Variants in TMEM117 observed in about 807,000 individuals in gnomAD.
TMEM117 encodes transmembrane protein 117.
Under a neutral mutation model 52.4 loss-of-function variants are expected in TMEM117, and 27 were observed. The observed-to-expected ratio is 0.51, with a 90% CI of 0.38 to 0.71. TMEM117 has a LOEUF of 0.71. TMEM117 is among the 30% of genes least tolerant of loss of function. The pLI is 0.00. For synonymous variants in TMEM117, 215 were observed against 206.3 expected, an observed-to-expected ratio of 1.04 and a Z score of -0.36; for missense variants, 556 against 630.5, an observed-to-expected ratio of 0.88 and a Z score of 1.26.
At chr12:44,313,346 C>T (rs905173062) in intron 6 of TMEM117, among the ~76,000 whole-genome samples, 2 of 152,188 alleles carry the variant, frequency 1.3e-5, no homozygotes, top group Non-Finnish European at 2.9e-5. Flanking sequence ...GTTATCTCAG[C>T]ACCATTTATT....
intron 3 of TMEM117, among the ~76,000 whole-genome samples, chr12:44,064,075 GGA>G (rs1947184292): frequency 6.6e-6 from 1 of 151,992 alleles, no homozygotes; most frequent in Non-Finnish European, 1.5e-5. Context: ...AACCAATTCT[GGA>G]GAGAGACCTA....
Position 44,388,810 on chromosome 12 carries a change from G to A in TMEM117, c.*138G>A. 3 of 904,318 alleles carry A rather than the reference G, an allele frequency of 3.3e-6. No individual in the cohort carries two copies. Among genetic ancestry groups the A allele is most frequent in the Non-Finnish European group, 3.3e-6 (2 of 604,634 alleles). The allele number at this position is 904,318 out of a possible 1,614,324, so 56.0% of individuals were successfully genotyped here. A position where few individuals can be genotyped will look rare whatever the true frequency, so the allele number is the denominator to read the frequency against. ...ACAATGCCACAACGGTGCTCAACATGCTTTTTCTAGGATTCATTGTTTTCT... is the reference window on the plus strand; with the variant it reads ...ACAATGCCACAACGGTGCTCAACATACTTTTTCTAGGATTCATTGTTTTCT... On this transcript the variant is annotated 3_prime_UTR_variant, in exon 8 of 8. Transcript: ENST00000266534.
chr12:43,955,269 C>T lies in TMEM117; in HGVS notation c.410+10927C>T, dbSNP rs529010018. The stretch of plus-strand genomic sequence containing the variant: ...GCCCTGTCTCACTACTCCTATTCAA[C>T]ATGGTGTTGGAAGTTCTGGCCAGGG... On this transcript the variant is annotated intron_variant, in intron 3 of 7. Coordinates refer to ENST00000266534, the MANE Select transcript of TMEM117 (RefSeq NM_032256.3). 2.4e-4 allele frequency among the ~76,000 whole-genome samples: 36 copies of T among 152,276 alleles called. 1 individual carries two copies. Among genetic ancestry groups the T allele is most frequent in the African/African-American group, 8.2e-4 (34 of 41,548 alleles).
intron 3 of TMEM117, among the ~76,000 whole-genome samples, chr12:44,002,785 A>G (rs554148636): frequency 1.2e-3 from 181 of 152,002 alleles, no homozygotes; most frequent in African/African-American, 4.2e-3. Flanking sequence ...CCACAGTGGT[A>G]GGAAGGAGTG....
At chr12:43,952,964 G>A (rs936564675) in intron 3 of TMEM117, among the ~76,000 whole-genome samples, 6 of 152,126 alleles carry the variant, frequency 3.9e-5, no homozygotes, top group African/African-American at 1.2e-4. Flanking sequence ...AACCCTGCAA[G>A]CCAGAAGAGA....
intron 5 of TMEM117, among the ~76,000 whole-genome samples, chr12:44,212,020 T>C (rs776576940): frequency 3.9e-5 from 6 of 152,244 alleles, no homozygotes; most frequent in African/African-American, 1.4e-4. Context: ...CTGTGTGATA[T>C]AATATACAGT....
intron 2 of TMEM117, among the ~76,000 whole-genome samples, chr12:43,847,997 ATT>A (rs1943239415): frequency 6.6e-6 from 1 of 152,154 alleles, no homozygotes; most frequent in African/African-American, 2.4e-5. Flanking sequence ...GCAAGTTTTT[ATT>A]AAGGGTTTCA....
chr12:44,370,869 A>G (rs777942741), intron 6 of TMEM117, among the ~76,000 whole-genome samples: 4 of 152,200 alleles, frequency 2.6e-5, no homozygotes, highest in Non-Finnish European at 4.4e-5. Context: ...AGTTCTTACT[A>G]TATACTGAGC....
At chr12:43,996,920 G>A (rs1378154316) in intron 3 of TMEM117, among the ~76,000 whole-genome samples, 6 of 152,172 alleles carry the variant, frequency 3.9e-5, no homozygotes, top group Non-Finnish European at 8.8e-5. Flanking sequence ...GTTGGTGTCA[G>A]TAAGAGGAAA....
At chr12:44,277,470 A>ACATG (rs1312920674) in intron 5 of TMEM117, among the ~76,000 whole-genome samples, 2 of 152,128 alleles carry the variant, frequency 1.3e-5, no homozygotes, top group Non-Finnish European at 2.9e-5. Context: ...GTTTGTTGAG[A>ACATG]CATGGCTGGG....
intron 3 of TMEM117, among the ~76,000 whole-genome samples, chr12:43,959,569 T>C (rs1945368720): frequency 6.6e-6 from 1 of 152,316 alleles, no homozygotes; most frequent in South Asian, 2.1e-4. Flanking sequence ...GATTGAGTAG[T>C]AGAAGCCCAG....
At chr12:44,097,862 T>TAATAA (rs918757400) in intron 3 of TMEM117, among the ~76,000 whole-genome samples, 9 of 151,660 alleles carry the variant, frequency 5.9e-5, no homozygotes, top group East Asian at 3.9e-4. Flanking sequence ...AGTATAATAA[T>TAATAA]AATAAAATAA....
chr12:44,014,926 A>G (rs1257234893), intron 3 of TMEM117, among the ~76,000 whole-genome samples: 1 of 152,152 alleles, frequency 6.6e-6, no homozygotes, highest in African/African-American at 2.4e-5. Context: ...ACTACCTTGC[A>G]TCTAGCCTGA....
intron 3 of TMEM117, among the ~76,000 whole-genome samples, chr12:44,096,751 C>A (rs1947771233): frequency 6.6e-6 from 1 of 152,060 alleles, no homozygotes; most frequent in Admixed American, 6.6e-5. Context: ...GACCTAAAAC[C>A]ATAAAAACCC....
chr12:44,002,894 C>A (rs1452352001), intron 3 of TMEM117, among the ~76,000 whole-genome samples: 1 of 152,148 alleles, frequency 6.6e-6, no homozygotes, highest in Non-Finnish European at 1.5e-5. Context: ...GTGGCTCCCT[C>A]CTTTAGGTTC....
At chr12:44,270,008 A>G (rs1432705573) in intron 5 of TMEM117, among the ~76,000 whole-genome samples, 1 of 152,186 alleles carries the variant, frequency 6.6e-6, no homozygotes, top group African/African-American at 2.4e-5. Flanking sequence ...AAAGAAGACT[A>G]AAGAATGACT....
chr12:44,288,067 T>C (rs1565676120), intron 5 of TMEM117, among the ~76,000 whole-genome samples: 1 of 152,204 alleles, frequency 6.6e-6, no homozygotes. Context: ...GAGCCCTGGC[T>C]CTTTAAAAGT....
chr12:44,086,511 G>C (rs560637673), intron 3 of TMEM117, among the ~76,000 whole-genome samples: 6 of 152,044 alleles, frequency 3.9e-5, no homozygotes, highest in Non-Finnish European at 8.8e-5. Context: ...TACTGTGTGC[G>C]GCCACAACTC....
At chr12:44,053,565 G>A (rs552148747) in intron 3 of TMEM117, among the ~76,000 whole-genome samples, 133 of 152,244 alleles carry the variant, frequency 8.7e-4, no homozygotes, top group Non-Finnish European at 1.7e-3. Flanking sequence ...CCTCTGCCCA[G>A]AAATTGGGAA....
Sources: gnomAD v4.1 joint callset for allele counts (sites outside exome capture counted in the v4.1 genomes callset) on GRCh38, gnomAD v4.1.1 for gene constraint, MANE v1.5 for transcripts, NCBI Gene and HGNC (gene_info 2026-07-23, HGNC 2026-07-21) for gene names.